The following VARS1 variants were observed in gnomAD, a reference collection of about 807,000 sequenced individuals.
VARS1 encodes the protein valine--tRNA ligase.
VARS1 carries 92 observed loss-of-function variants against 161.0 expected under a neutral mutation model. That is an observed-to-expected ratio of 0.57 (90% CI 0.48 to 0.68). The LOEUF is 0.68. Ranked by LOEUF, VARS1 falls within the 30% of genes least tolerant of loss-of-function variation. VARS1 has a pLI of 0.00. For synonymous variants in VARS1, 595 were observed against 682.5 expected, an observed-to-expected ratio of 0.87 and a Z score of 2.00; for missense variants, 1,338 against 1,695.9, an observed-to-expected ratio of 0.79 and a Z score of 3.71.
In VARS1 at chr6:31,782,593, G is replaced by A. The variant is rs568855918; in HGVS notation, c.1928C>T (p.Ala643Val). 4.3e-6 allele frequency: 7 copies of A among 1,613,032 alleles called. No individual in the cohort carries two copies. In the South Asian group the frequency reaches 5.5e-5, roughly 13 times the overall value. ...ACGGAACAGTCCCCGCTCCTTCAGC[G>A]CCACCAGCACCGCTTTCCTGGCCTC... is the stretch of plus-strand genomic sequence containing the variant. ...RFEARKAVLV[A>V]LKERGLFRGI... Residue 643 changes from alanine to valine, a missense_variant, in exon 16 of 30, where the codon GCG (alanine) becomes GTG (valine). By Grantham distance (64) the Ala-to-Val change is moderately conservative. Coordinates refer to ENST00000375663, the MANE Select transcript of VARS1 (RefSeq NM_006295.3). This position sits in a 1 kb window ranked among gnomAD's most constrained non-coding sequence, Gnocchi z 8.3.
Position 31,780,934 on chromosome 6 carries a change from A to T in VARS1, c.2654T>A (p.Leu885His). Residue 885 changes from leucine (L) to histidine (H), a missense_variant, in exon 23 of 30, where the codon CTC becomes CAC. Transcript: ENST00000375663. The surrounding 1 kb of genome is among the most constrained non-coding windows in gnomAD (Gnocchi z 5.1). ...DVIYGISLQG[L>H]HNQLLNSNLD... The stretch of plus-strand genomic sequence containing the variant: ...GTTGCTGTTCAGCAGCTGGTTGTGG[A>T]GGCCCTGAGGGTGGAGTGGGAGCAG... 4 of 1,614,052 alleles carry T rather than the reference A, an allele frequency of 2.5e-6. No homozygotes were observed. Among genetic ancestry groups the T allele is most frequent in the Non-Finnish European group, 3.4e-6 (4 of 1,180,008 alleles).
In VARS1 at chr6:31,794,874, G is replaced by A. The variant is rs1229457406; in HGVS notation, c.344C>T (p.Thr115Met). 3 of 1,611,070 alleles carry A rather than the reference G, an allele frequency of 1.9e-6. No homozygotes were observed. Among genetic ancestry groups the A allele is most frequent in the African/African-American group, 1.3e-5 (1 of 74,782 alleles). Reference sequence around the variant, plus strand: ...GCTTCGGAGTCCCAGGGCCGGCAGCGTTGCTCCACAGGCAGCTGGTATTAA... The same window carrying A: ...GCTTCGGAGTCCCAGGGCCGGCAGCATTGCTCCACAGGCAGCTGGTATTAA... ...TELIPAACGA[T>M]LPALGLRSSA... Residue 115 changes from threonine (T) to methionine (M), a missense_variant, in exon 2 of 30, where the codon ACG (threonine) becomes ATG (methionine). Physicochemically the swap from Thr to Met is moderately conservative, Grantham distance 81 (BLOSUM62 -1). Around this residue, in one of 3 missense-constraint regions of VARS1, gnomAD observed 902 missense variants for 1,090.3 expected, o/e 0.83. Coordinates refer to ENST00000375663, the MANE Select transcript of VARS1 (RefSeq NM_006295.3).
chr6:31,778,362 G>T lies in VARS1; in HGVS notation c.3726+605C>A, dbSNP rs1381311872. On this transcript the variant is annotated intron_variant, in intron 29 of 29. Coordinates refer to ENST00000375663, the MANE Select transcript of VARS1 (RefSeq NM_006295.3). The surrounding 1 kb of genome is among the most constrained non-coding windows in gnomAD (Gnocchi z 5.1). ...CGTCTCCCACCTGTTGTGTGACCCT[G>T]GGTTGTGCCCAGCCCCCAGCTGCTC... Among the ~76,000 whole-genome samples, 1 of 152,170 alleles carries T rather than the reference G, an allele frequency of 6.6e-6. No individual in the cohort carries two copies. Among genetic ancestry groups the T allele is most frequent in the Non-Finnish European group, 1.5e-5 (1 of 68,030 alleles).
Position 31,782,881 on chromosome 6 carries a change from C to A in VARS1, c.1763-36G>T. The A allele has an allele frequency of 6.3e-7, 1 of 1,593,638 alleles. No individual in the cohort carries two copies. The highest frequency in any genetic ancestry group is 8.5e-7 in the Non-Finnish European group (1 of 1,170,014). On this transcript the variant is annotated intron_variant, in intron 14 of 29. Coordinates refer to ENST00000375663, the MANE Select transcript of VARS1 (RefSeq NM_006295.3). The surrounding 1 kb of genome is among the most constrained non-coding windows in gnomAD (Gnocchi z 8.3). ...ATCAGGATGCCCAGGTCATGAGGGACTCCACGGAGTTCCTTCCTACACTCA... is the reference window on the plus strand; with the variant it reads ...ATCAGGATGCCCAGGTCATGAGGGAATCCACGGAGTTCCTTCCTACACTCA...
At chr6:31,790,478 T>C in intron 8 of VARS1, among the ~76,000 whole-genome samples, 1 of 151,650 alleles carries the variant, frequency 6.6e-6, no homozygotes, top group Non-Finnish European at 1.5e-5. Context: ...GGCAGGTGCC[T>C]GTAATGCCAG....
At position 31,785,669 on chromosome 6, in the gene VARS1, G is replaced by A. The variant is rs1320059429; in HGVS notation, c.1165C>T (p.Gln389Ter). 1 of 1,612,842 alleles carries A rather than the reference G, an allele frequency of 6.2e-7. No homozygotes were observed. The highest frequency in any genetic ancestry group is 1.3e-5 in the African/African-American group (1 of 74,940). Residue 389 changes from glutamine to a stop codon, truncating the protein, a stop_gained, in exon 9 of 30, where the codon CAG becomes TAG. Coordinates refer to ENST00000375663, the MANE Select transcript of VARS1 (RefSeq NM_006295.3). LOFTEE classifies it high-confidence loss of function. The surrounding 1 kb of genome is among the most constrained non-coding windows in gnomAD (Gnocchi z 6.1). ...CATAGCTTCTTCTCCACCACCACCTGGGTGGCAATACCTGCATGGTCACAG... is the reference window on the plus strand; with the variant it reads ...CATAGCTTCTTCTCCACCACCACCTAGGTGGCAATACCTGCATGGTCACAG... Reference protein sequence around the residue: ...PGCDHAGIATQVVVEKKLWRE... With the variant: ...PGCDHAGIAT
chr6:31,787,711 T>G (rs886294661), intron 8 of VARS1, among the ~76,000 whole-genome samples: 5 of 151,858 alleles, frequency 3.3e-5, no homozygotes, highest in African/African-American at 4.8e-5. Context: ...GTATGGTGGT[T>G]CATGCCTGTA....
At chr6:31,793,868 C>T (rs1220166104) in intron 2 of VARS1, among the ~76,000 whole-genome samples, 3 of 151,816 alleles carry the variant, frequency 2.0e-5, no homozygotes, top group East Asian at 1.9e-4. Context: ...TTTGGGAGGC[C>T]GAGGCGAGCA....
In VARS1 at chr6:31,781,526, C is replaced by T; in HGVS notation, c.2499G>A (p.Met833Ile). Residue 833 changes from methionine to isoleucine, a missense_variant, in exon 21 of 30, where the codon ATG becomes ATA. Transcript: ENST00000375663. The surrounding 1 kb of genome is among the most constrained non-coding windows in gnomAD (Gnocchi z 6.8). ...HDILFFWVAR[M>I]VMLGLKLTGR... ...CCGTGAGCTTCAGGCCCAGCATGACCATCCGGGCCACCCAGAAGAAGAGGA... is the reference window on the plus strand; with the variant it reads ...CCGTGAGCTTCAGGCCCAGCATGACTATCCGGGCCACCCAGAAGAAGAGGA... 1 of 1,613,046 alleles carries T rather than the reference C, an allele frequency of 6.2e-7. No individual in the cohort carries two copies. The highest frequency in any genetic ancestry group is 1.3e-5 in the African/African-American group (1 of 75,048).
rs1260251172 is a variant in VARS1, at chr6:31,791,851, G to C, written c.972+20C>G. 6.2e-7 allele frequency: 1 copy of C among 1,611,534 alleles called. No homozygotes were observed. Among genetic ancestry groups the C allele is most frequent in the Admixed American group, 1.7e-5 (1 of 59,878 alleles). The stretch of plus-strand genomic sequence containing the variant: ...TCCCCACCCCACCCACTCTGGGCCT[G>C]GGCAGCAGTGCCTACTCACCCCATA... On this transcript the variant is annotated intron_variant, in intron 7 of 29. Coordinates refer to ENST00000375663, the MANE Select transcript of VARS1 (RefSeq NM_006295.3). This position sits in a 1 kb window ranked among gnomAD's most constrained non-coding sequence, Gnocchi z 5.0.
In VARS1 at chr6:31,794,952, C is replaced by G; in HGVS notation, c.266G>C (p.Gly89Ala). Residue 89 changes from glycine (G) to alanine (A), a missense_variant, in exon 2 of 30, where the codon GGC (glycine) becomes GCC (alanine). Coordinates refer to ENST00000375663, the MANE Select transcript of VARS1 (RefSeq NM_006295.3). ...LWPAGLGGPG[G>A]SRAAVLVQQW... ...TTGGACAAGGACAGCCGCCCGGCTG[C>G]CCCCTGGGCCCCCCAGGCCTGCTGG... 2.5e-6 allele frequency: 4 copies of G among 1,612,546 alleles called. No individual in the cohort carries two copies. The highest frequency in any genetic ancestry group is 3.4e-6 in the Non-Finnish European group (4 of 1,179,822).
chr6:31,782,984 C>T lies in VARS1; in HGVS notation c.1762+112G>A. 6.5e-7 allele frequency: 1 copy of T among 1,528,344 alleles called. No individual in the cohort carries two copies. The highest frequency in any genetic ancestry group is 8.8e-7 in the Non-Finnish European group (1 of 1,132,202). 94.7% of individuals were successfully genotyped at this position (1,528,344 alleles called of 1,614,324 possible). A position where few individuals can be genotyped will look rare whatever the true frequency, so the allele number is the denominator to read the frequency against. On this transcript the variant is annotated intron_variant, in intron 14 of 29. Transcript: ENST00000375663. This position sits in a 1 kb window ranked among gnomAD's most constrained non-coding sequence, Gnocchi z 8.3. The stretch of plus-strand genomic sequence containing the variant: ...TAATACAGTCCCTTGAGAACCACCC[C>T]AAGCTCTGTCTATTTGGCTGAAGCT...
At chr6:31,790,292 A>G in intron 8 of VARS1, among the ~76,000 whole-genome samples, 1 of 151,894 alleles carries the variant, frequency 6.6e-6, no homozygotes, top group East Asian at 1.9e-4. Context: ...AAAAAACAGA[A>G]TGAATCATTA....
Position 31,782,024 on chromosome 6 carries a change from G to C in VARS1, c.2241+63C>G. On this transcript the variant is annotated intron_variant, in intron 18 of 29. Coordinates refer to ENST00000375663, the MANE Select transcript of VARS1 (RefSeq NM_006295.3). This position sits in a 1 kb window ranked among gnomAD's most constrained non-coding sequence, Gnocchi z 8.3. ...CTCACCCTGCCCCTCCCCCCACCAA[G>C]GACCCAGTAAACCCACCACTCCAGC... The C allele has an allele frequency of 6.2e-7, 1 of 1,612,320 alleles. No individual in the cohort carries two copies. Among genetic ancestry groups the C allele is most frequent in the Non-Finnish European group, 8.5e-7 (1 of 1,179,258 alleles).
rs748562408 is a variant in VARS1 at position 31,780,001 on chromosome 6, G to A, written c.3078C>T (p.Tyr1026=). The change falls in exon 26 of 30, where the codon TAC becomes TAT. Residue 1026 remains tyrosine, a synonymous_variant. Coordinates refer to ENST00000375663, the MANE Select transcript of VARS1 (RefSeq NM_006295.3). The surrounding 1 kb of genome is among the most constrained non-coding windows in gnomAD (Gnocchi z 5.1). ...GCCCCGCTGTGCTCCTTCTCACCAA[G>A]TAGACATCACAGAGCTCATAGAGCC... ...SFWLYELCDV[Y]LECLKPVLNG... is the part of the protein sequence containing the mutation. 7 of 1,613,772 alleles carry A rather than the reference G, an allele frequency of 4.3e-6. No individual in the cohort carries two copies. The highest frequency in any genetic ancestry group is 2.2e-5 in the East Asian group (1 of 44,884).
In VARS1 at chr6:31,791,889, G is replaced by A. The variant is rs774804451; in HGVS notation, c.954C>T (p.Phe318=). 1.2e-6 allele frequency: 2 copies of A among 1,608,858 alleles called. No individual in the cohort carries two copies. Among genetic ancestry groups the A allele is most frequent in the African/African-American group, 2.7e-5 (2 of 74,860 alleles). ...AWYPWWEQQG[F]FKPEYGRPNV... is the part of the protein sequence containing the mutation. ...TACTCACCCCATACTCTGGCTTGAA[G>A]AAGCCCTGCTGCTCCCACCAAGGGT... The change falls in exon 7 of 30, where the codon TTC becomes TTT. Residue 318 remains phenylalanine, a synonymous_variant. Coordinates refer to ENST00000375663, the MANE Select transcript of VARS1 (RefSeq NM_006295.3). The surrounding 1 kb of genome is among the most constrained non-coding windows in gnomAD (Gnocchi z 5.0).
In VARS1 at chr6:31,781,876, A is replaced by G; in HGVS notation, c.2318T>C (p.Val773Ala). Residue 773 changes from valine (V) to alanine (A), a missense_variant, in exon 19 of 30, where the codon GTG becomes GCG. Around this residue, in one of 3 missense-constraint regions of VARS1, gnomAD observed 902 missense variants for 1,090.3 expected, o/e 0.83. Coordinates refer to ENST00000375663, the MANE Select transcript of VARS1 (RefSeq NM_006295.3). This position sits in a 1 kb window ranked among gnomAD's most constrained non-coding sequence, Gnocchi z 6.8. Reference protein sequence around the residue: ...AREKAAKEFGVSPDKISLQQD... With the variant: ...AREKAAKEFGASPDKISLQQD... The stretch of plus-strand genomic sequence containing the variant: ...CTGGAGACTGATCTTGTCAGGGGAC[A>G]CTCCGAACTCCTTGGCTGCCTTCTC... 1.2e-6 allele frequency: 2 copies of G among 1,612,800 alleles called. No homozygotes were observed. Among genetic ancestry groups the G allele is most frequent in the Non-Finnish European group, 1.7e-6 (2 of 1,180,004 alleles).
chr6:31,780,107 A>T lies in VARS1; in HGVS notation c.2972T>A (p.Leu991Gln). Residue 991 changes from leucine to glutamine, a missense_variant, in exon 26 of 30, where the codon CTG becomes CAG. Around this residue, in one of 3 missense-constraint regions of VARS1, gnomAD observed 433 missense variants for 586.2 expected, o/e 0.74. Coordinates refer to ENST00000375663, the MANE Select transcript of VARS1 (RefSeq NM_006295.3). The surrounding 1 kb of genome is among the most constrained non-coding windows in gnomAD (Gnocchi z 5.1). ...SLVDRWIRSR[L>Q]TEAVRLSNQG... ...ATTGCTGAGCCTCACAGCCTCTGTC[A>T]GGCGGCTGCGGATCCAGCGGTCCAC... 6.2e-7 allele frequency: 1 copy of T among 1,614,076 alleles called. No individual in the cohort carries two copies.
rs1169061758 is a variant in VARS1, at chr6:31,791,330, G to C, written c.1100+280C>G. 2.6e-5 allele frequency among the ~76,000 whole-genome samples: 4 copies of C among 152,004 alleles called. No homozygotes were observed. In the East Asian group the frequency reaches 5.8e-4, roughly 22 times the overall value. Reference sequence around the variant, plus strand: ...GTTGGAGACCAGACTGAGCAACAAAGTGAAAACTCATCTTTACAAAAAATT... The same window carrying C: ...GTTGGAGACCAGACTGAGCAACAAACTGAAAACTCATCTTTACAAAAAATT... On this transcript the variant is annotated intron_variant, in intron 8 of 29. Coordinates refer to ENST00000375663, the MANE Select transcript of VARS1 (RefSeq NM_006295.3). This position sits in a 1 kb window ranked among gnomAD's most constrained non-coding sequence, Gnocchi z 5.0.
Sources: allele counts gnomAD v4.1 joint callset (sites outside exome capture counted in the v4.1 genomes callset), GRCh38; gene constraint gnomAD v4.1.1; regional missense constraint gnomAD v4.1.1; non-coding constraint Gnocchi (gnomAD v3.1); transcripts MANE v1.5; gene names NCBI Gene and HGNC (gene_info 2026-07-23, HGNC 2026-07-21).